The following CASK variants were observed in gnomAD, a reference collection of about 807,000 sequenced individuals.
CASK encodes the protein peripheral plasma membrane protein CASK.
CASK carries 4 observed loss-of-function variants against 82.9 expected under a neutral mutation model. That is an observed-to-expected ratio of 0.05 (90% CI 0.02 to 0.11). The LOEUF (loss-of-function observed/expected upper bound fraction) is 0.11. CASK is among the 10% of genes least tolerant of loss of function. The pLI is 1.00. For synonymous variants in CASK, 259 were observed against 253.5 expected, an observed-to-expected ratio of 1.02 and a Z score of -0.20; for missense variants, 358 against 720.9, an observed-to-expected ratio of 0.50 and a Z score of 5.76.
At chrX:41,874,035 C>T (rs528779891) in intron 1 of CASK, among the ~76,000 whole-genome samples, 3 of 111,016 alleles carry the variant, frequency 2.7e-5, no homozygotes, top group African/African-American at 9.8e-5. Context: ...AGACAATCTG[C>T]CCACCTTGGC....
At chrX:41,605,292 T>C (rs1211873524) in intron 12 of CASK, among the ~76,000 whole-genome samples, 1 of 111,654 alleles carries the variant, frequency 9.0e-6, no homozygotes, top group Admixed American at 9.5e-5. Context: ...GTGTCCCTAC[T>C]TGGAATCCTT....
intron 2 of CASK, among the ~76,000 whole-genome samples, chrX:41,852,867 C>T (rs1270800665): frequency 1.8e-5 from 2 of 110,952 alleles, no homozygotes; most frequent in African/African-American, 3.3e-5. Context: ...TTGCTTTCTT[C>T]CTAGTCAAAA....
At chrX:41,705,911 T>C (rs2067878832) in intron 5 of CASK, among the ~76,000 whole-genome samples, 1 of 111,114 alleles carries the variant, frequency 9.0e-6, no homozygotes, top group Non-Finnish European at 1.9e-5. Context: ...CGTGGTCTGC[T>C]TTTTTCCTTT....
intron 5 of CASK, among the ~76,000 whole-genome samples, chrX:41,737,001 CTA>C (rs930885462): frequency 3.1e-4 from 35 of 112,380 alleles, no homozygotes; most frequent in African/African-American, 1.0e-3. Flanking sequence ...AAATATGAAT[CTA>C]TGTTTCTTCC....
intron 1 of CASK, among the ~76,000 whole-genome samples, chrX:41,894,597 T>TAAAAAAAA (rs1209248352): frequency 7.7e-4 from 31 of 40,451 alleles, no homozygotes; most frequent in Admixed American, 9.6e-4. Context: ...ACCCAAATAT[T>TAAAAAAAA]AAAAAAAAAA....
intron 5 of CASK, chrX:41,724,023 T>C (rs2068211072): frequency 8.9e-6 from 1 of 112,356 alleles, no homozygotes. Context: ...GTATAATATG[T>C]ATATTGTTCA....
intron 2 of CASK, among the ~76,000 whole-genome samples, chrX:41,817,016 A>G (rs2070426997): frequency 8.9e-6 from 1 of 111,791 alleles, no homozygotes; most frequent in African/African-American, 3.2e-5. Context: ...CCAGTTAAAG[A>G]CTATTATAAC....
At chrX:41,884,407 T>C (rs185017610) in intron 1 of CASK, among the ~76,000 whole-genome samples, 102 of 111,554 alleles carry the variant, frequency 9.1e-4, no homozygotes, top group African/African-American at 3.1e-3. Context: ...ATATAGTAAC[T>C]AGATAAGACT....
intron 2 of CASK, among the ~76,000 whole-genome samples, chrX:41,812,171 C>T (rs1190196338): frequency 2.8e-4 from 31 of 111,848 alleles, no homozygotes; most frequent in Admixed American, 1.0e-3. Flanking sequence ...CAAGGAGGAA[C>T]TGGTACCATT....
intron 5 of CASK, among the ~76,000 whole-genome samples, chrX:41,672,927 T>C (rs998196548): frequency 2.7e-5 from 3 of 112,366 alleles, no homozygotes; most frequent in African/African-American, 6.5e-5. Flanking sequence ...AACTTTCTGT[T>C]GGTTCAAAGA....
At chrX:41,874,439 C>T (rs1244269584) in intron 1 of CASK, among the ~76,000 whole-genome samples, 2 of 111,821 alleles carry the variant, frequency 1.8e-5, no homozygotes, top group Admixed American at 1.9e-4. Context: ...GTCTTCTGTT[C>T]GTGTATTAGT....
intron 1 of CASK, among the ~76,000 whole-genome samples, chrX:41,861,692 C>T (rs1481100517): frequency 9.8e-6 from 1 of 101,797 alleles, no homozygotes; most frequent in African/African-American, 3.6e-5. Flanking sequence ...ATCTAGTAGG[C>T]TGCTGTTGAC....
At chrX:41,893,658 CAG>C (rs1198345250) in intron 1 of CASK, among the ~76,000 whole-genome samples, 4 of 112,483 alleles carry the variant, frequency 3.6e-5, no homozygotes, top group African/African-American at 1.3e-4. Flanking sequence ...CCAACCCACA[CAG>C]AGATTCCTTC....
intron 2 of CASK, among the ~76,000 whole-genome samples, chrX:41,809,420 T>C (rs749694024): frequency 7.1e-5 from 8 of 112,177 alleles, no homozygotes; most frequent in Non-Finnish European, 1.5e-4. Flanking sequence ...GCAGCAACAT[T>C]TGCTGTTCAG....
chrX:41,639,505 G>A (rs567522438), intron 8 of CASK, among the ~76,000 whole-genome samples: 1 of 109,206 alleles, frequency 9.2e-6, no homozygotes, highest in South Asian at 4.0e-4. Context: ...GAAAGATGAT[G>A]GTGGATGAAA....
At chrX:41,549,413 T>C (rs995393326) in intron 21 of CASK, among the ~76,000 whole-genome samples, 2 of 112,276 alleles carry the variant, frequency 1.8e-5, no homozygotes, top group African/African-American at 6.5e-5. Context: ...GTTAGAATCC[T>C]TTTCTCCCTC....
At chrX:41,741,450 G>T (rs192783927) in intron 4 of CASK, among the ~76,000 whole-genome samples, 2 of 111,946 alleles carry the variant, frequency 1.8e-5, no homozygotes, top group East Asian at 5.6e-4. Flanking sequence ...AGTTAAAGTG[G>T]ACATAGCTTG....
chrX:41,737,667 A>C (rs1018156677), intron 5 of CASK, among the ~76,000 whole-genome samples: 8 of 112,680 alleles, frequency 7.1e-5, no homozygotes, highest in African/African-American at 2.3e-4. Flanking sequence ...TTACAGTAGA[A>C]TATATTGTCA....
chrX:41,786,305 A>G (rs1165740170), intron 3 of CASK, among the ~76,000 whole-genome samples: 5 of 111,456 alleles, frequency 4.5e-5, no homozygotes, highest in Non-Finnish European at 9.4e-5. Context: ...ATAGGTAATG[A>G]ATATAACCTC....
Sources: allele counts gnomAD v4.1 joint callset (sites outside exome capture counted in the v4.1 genomes callset), GRCh38; gene constraint gnomAD v4.1.1; transcripts MANE v1.5; gene names NCBI Gene and HGNC (gene_info 2026-07-23, HGNC 2026-07-21).